The following DDX4 variants were observed in gnomAD, a reference collection of about 807,000 sequenced individuals.
DDX4 encodes probable ATP-dependent RNA helicase DDX4.
Under a neutral mutation model 100.0 loss-of-function variants are expected in DDX4, and 25 were observed. The observed-to-expected ratio is 0.25, with a 90% confidence interval of 0.18 to 0.35. DDX4 has a LOEUF of 0.35. Ranked by LOEUF, DDX4 falls within the 10% of genes least tolerant of loss-of-function variation. DDX4 has a pLI of 1.00. For synonymous variants in DDX4, 259 were observed against 275.7 expected (o/e 0.94, Z 0.60); for missense variants, 635 against 882.4 (o/e 0.72, Z 3.55).
intron 7 of DDX4, among the ~76,000 whole-genome samples, chr5:55,774,343 G>A (rs1217827801): frequency 6.6e-6 from 1 of 151,758 alleles, no homozygotes; most frequent in Non-Finnish European, 1.5e-5. Context: ...GTAGGGATGG[G>A]GTCTCACTGT....
intron 2 of DDX4, among the ~76,000 whole-genome samples, chr5:55,745,935 T>C (rs999082876): frequency 6.6e-5 from 10 of 152,212 alleles, no homozygotes; most frequent in African/African-American, 2.4e-4. Context: ...GCTGTAGTTT[T>C]CTGACCACTG....
chr5:55,790,551 T>G (rs1457939983), intron 15 of DDX4, 25 bp from the exon 16 acceptor site: 1 of 1,493,682 alleles, frequency 6.7e-7, no homozygotes, highest in African/African-American at 1.4e-5. Context: ...AACTAGAAAA[T>G]AACATTTAGT....
At chr5:55,778,783 A>G (rs1741722159) in intron 7 of DDX4, among the ~76,000 whole-genome samples, 1 of 152,118 alleles carries the variant, frequency 6.6e-6, no homozygotes, top group African/African-American at 2.4e-5. Context: ...AATCTCAGCT[A>G]CTTGGGAGGC....
chr5:55,739,114 T>C (rs1758846370), intron 2 of DDX4, 82 bp downstream of exon 2: 3 of 840,104 alleles, frequency 3.6e-6, no homozygotes, highest in East Asian at 4.9e-5. Flanking sequence ...TTCTAAATTA[T>C]ACAGTCTGTG....
chr5:55,768,231 G>A, intron 7 of DDX4: 1 of 374,902 alleles, frequency 2.7e-6, no homozygotes. Flanking sequence ...TTGTCACCCA[G>A]ATAATAAGCA....
At chr5:55,765,970 A>G (rs62361891) in intron 6 of DDX4, among the ~76,000 whole-genome samples, 2 of 128,716 alleles carry the variant, frequency 1.6e-5, no homozygotes, top group Middle Eastern at 3.6e-3. Flanking sequence ...ACGCCCGACT[A>G]ATTTTTTTTT....
chr5:55,813,660 C>A lies in DDX4; in HGVS notation c.1616-13C>A, dbSNP rs753651325. ...TTTGAAGTTTGAATATTAATAATTT[C>A]ATTGTCTTGTAGGGGATGAAAGAAC... On this transcript the variant is annotated splice_polypyrimidine_tract_variant and intron_variant, in intron 18 of 21. Coordinates refer to ENST00000505374, the MANE Select transcript of DDX4 (RefSeq NM_024415.3). 2.6e-6 allele frequency: 4 copies of A among 1,531,146 alleles called. No individual in the cohort carries two copies. In the South Asian group the frequency reaches 3.9e-5, roughly 15 times the overall value. 94.8% of individuals were successfully genotyped at this position (1,531,146 alleles called of 1,614,324 possible).
intron 16 of DDX4, among the ~76,000 whole-genome samples, 178 bp from the exon 17 acceptor site, chr5:55,792,463 C>T (rs1282833572): frequency 2.0e-5 from 3 of 151,580 alleles, no homozygotes; most frequent in Non-Finnish European, 4.4e-5. Flanking sequence ...GGGTTCACAC[C>T]GTTCTCCTGC....
intron 2 of DDX4, among the ~76,000 whole-genome samples, chr5:55,740,665 C>T (rs1758928322): frequency 7.7e-6 from 1 of 130,118 alleles, no homozygotes; most frequent in African/African-American, 3.0e-5. Context: ...GCCACCACGC[C>T]CCGCTAATTT....
At chr5:55,804,604 C>G (rs1242877656) in intron 18 of DDX4, among the ~76,000 whole-genome samples, 7 of 151,956 alleles carry the variant, frequency 4.6e-5, no homozygotes, top group East Asian at 1.9e-4. Flanking sequence ...GCTTGTTTTT[C>G]TCAGGTTTGT....
At chr5:55,814,692 A>G (rs760536241) in intron 19 of DDX4, among the ~76,000 whole-genome samples, 14 of 152,090 alleles carry the variant, frequency 9.2e-5, no homozygotes, top group East Asian at 1.9e-4. Context: ...GTGTTTCATC[A>G]TGTTGGCCAG....
intron 2 of DDX4, 114 bp from the exon 3 acceptor site, chr5:55,746,050 C>T: frequency 1.3e-6 from 1 of 766,174 alleles, no homozygotes; most frequent in Non-Finnish European, 2.1e-6. Context: ...TACAGTCTAT[C>T]ATTATTTTGT....
intron 18 of DDX4, among the ~76,000 whole-genome samples, chr5:55,803,329 T>A (rs1008305984): frequency 2.7e-5 from 4 of 150,784 alleles, no homozygotes; most frequent in Admixed American, 6.6e-5. Context: ...GTGCCACATT[T>A]TTATTATTAT....
Position 55,790,620 on chromosome 5 carries a change from G to A in DDX4, c.1217G>A (p.Gly406Glu), listed in dbSNP as rs765291350. The A allele has an allele frequency of 1.2e-6, 2 of 1,606,282 alleles. No homozygotes were observed. The highest frequency in any genetic ancestry group is 8.5e-7 in the Non-Finnish European group (1 of 1,172,972). Residue 406 changes from glycine (G) to glutamate (E), a missense_variant, in exon 16 of 22, where the codon GGA becomes GAA. Coordinates refer to ENST00000505374, the MANE Select transcript of DDX4 (RefSeq NM_024415.3). ...GTTATATATGGGGGAACCCAGCTGG[G>A]ACATTCAATTCGACAAATAGTACAA... Reference protein sequence around the residue: ...AVVIYGGTQLGHSIRQIVQGC... With the variant: ...AVVIYGGTQLEHSIRQIVQGC...
At chr5:55,742,265 A>G (rs1432101492) in intron 2 of DDX4, 4 of 455,798 alleles carry the variant, frequency 8.8e-6, no homozygotes, top group Non-Finnish European at 1.8e-5. Flanking sequence ...TGAGTGTATT[A>G]GATAATTCCG....
intron 4 of DDX4, among the ~76,000 whole-genome samples, chr5:55,762,455 A>T (rs940031696): frequency 6.6e-6 from 1 of 152,202 alleles, no homozygotes; most frequent in East Asian, 1.9e-4. Flanking sequence ...AAGACTTCAC[A>T]TAATTGGTTT....
rs1408245086 is a variant in DDX4, at chr5:55,752,273, G to A, written c.127+6052G>A. Among the ~76,000 whole-genome samples the A allele has an allele frequency of 1.4e-3, 208 of 148,732 alleles. 1 individual carries two copies. The highest frequency in any genetic ancestry group is 4.7e-3 in the African/African-American group (191 of 40,290). ...ATGTATACATGTGCCATGCTGGTGC[G>A]CTGCACCCACTAACTCGTCATCTAG... On this transcript the variant is annotated intron_variant, in intron 3 of 21. Transcript: ENST00000505374.
At chr5:55,799,788 G>C (rs923263106) in intron 18 of DDX4, among the ~76,000 whole-genome samples, 1 of 151,988 alleles carries the variant, frequency 6.6e-6, no homozygotes, top group Admixed American at 6.6e-5. Flanking sequence ...TACCTCATAG[G>C]CTAGGTCTAC....
intron 3 of DDX4, 33 bp from the exon 4 acceptor site, chr5:55,760,167 A>G (rs1378489055): frequency 1.3e-6 from 2 of 1,560,278 alleles, no homozygotes; most frequent in Non-Finnish European, 1.7e-6. Context: ...ACTTGTTTTT[A>G]TTTGACTTAC....
Sources: allele counts gnomAD v4.1 joint callset (sites outside exome capture counted in the v4.1 genomes callset), GRCh38; gene constraint gnomAD v4.1.1; transcripts MANE v1.5; gene names NCBI Gene and HGNC (gene_info 2026-07-23, HGNC 2026-07-21).